The following MXRA7 variants were observed in gnomAD, a reference collection of about 807,000 sequenced individuals.
The protein encoded by MXRA7 is matrix-remodeling-associated protein 7.
Under a neutral mutation model 17.4 loss-of-function variants are expected in MXRA7, and 18 were observed. The observed-to-expected ratio is 1.03, with a 90% CI of 0.71 to 1.53. The LOEUF (loss-of-function observed/expected upper bound fraction) is 1.53. Among genes scored for constraint, MXRA7 ranks in the 40% most tolerant of loss-of-function variants. MXRA7 has a pLI of 0.00. For synonymous variants in MXRA7, 70 were observed against 101.7 expected, an observed-to-expected ratio of 0.69 and a Z score of 1.87; for missense variants, 141 against 209.3, an observed-to-expected ratio of 0.67 and a Z score of 2.01.
chr17:76,693,583 C>T (rs1036409340), intron 1 of MXRA7, among the ~76,000 whole-genome samples: 10 of 147,494 alleles, frequency 6.8e-5, no homozygotes, highest in South Asian at 6.5e-4. Flanking sequence ...AGGTGGCTCA[C>T]GCCTGTAATC....
At chr17:76,695,596 T>C (rs2076525734) in intron 1 of MXRA7, among the ~76,000 whole-genome samples, 1 of 152,078 alleles carries the variant, frequency 6.6e-6, no homozygotes, top group Non-Finnish European at 1.5e-5. Flanking sequence ...CTCAGCTGTG[T>C]CTGCAGGGAG....
intron 1 of MXRA7, chr17:76,689,867 C>T (rs1019896244): frequency 6.6e-6 from 1 of 151,908 alleles, no homozygotes; most frequent in Non-Finnish European, 1.5e-5. Flanking sequence ...AAAAATTAGC[C>T]GAGTGTTGTG....
chr17:76,698,796 C>T (rs750982141), intron 1 of MXRA7, among the ~76,000 whole-genome samples: 1 of 143,944 alleles, frequency 6.9e-6, no homozygotes, highest in Non-Finnish European at 1.5e-5. Flanking sequence ...GATCTCTGCT[C>T]ACTGCAACCT....
chr17:76,684,027 T>C (rs2076350580), intron 3 of MXRA7: 2 of 940,994 alleles, frequency 2.1e-6, no homozygotes, highest in Admixed American at 3.4e-5. Context: ...CTGGCTGTGC[T>C]TACACTGCCC....
chr17:76,684,193 G>A (rs1329408044), intron 3 of MXRA7, among the ~76,000 whole-genome samples: 1 of 152,242 alleles, frequency 6.6e-6, no homozygotes, highest in African/African-American at 2.4e-5. Context: ...TGAGAGGGCA[G>A]TTGAGTTCTG....
intron 1 of MXRA7, among the ~76,000 whole-genome samples, chr17:76,690,769 G>A (rs1309988318): frequency 6.6e-6 from 1 of 152,106 alleles, no homozygotes; most frequent in Non-Finnish European, 1.5e-5. Context: ...GTGCAGTGGT[G>A]CAATCACGGC....
At chr17:76,688,549 GTGTC>G (rs893827260) in intron 1 of MXRA7, 11 of 1,276,224 alleles carry the variant, frequency 8.6e-6, no homozygotes, top group South Asian at 3.1e-5. Context: ...GCTGGCTGGG[GTGTC>G]TGTCTGGGAC....
chr17:76,705,473 A>G (rs1156473294), intron 1 of MXRA7, among the ~76,000 whole-genome samples: 1 of 151,874 alleles, frequency 6.6e-6, no homozygotes, highest in Non-Finnish European at 1.5e-5. Context: ...GAACATTTGG[A>G]TTATTTCTAG....
At chr17:76,701,230 G>A (rs767622552) in intron 1 of MXRA7, among the ~76,000 whole-genome samples, 11 of 151,930 alleles carry the variant, frequency 7.2e-5, no homozygotes, top group Non-Finnish European at 1.5e-4. Context: ...ATGAGAGGAG[G>A]GAGGGCTGCT....
chr17:76,706,977 T>C (rs2076669343), intron 1 of MXRA7, among the ~76,000 whole-genome samples: 1 of 152,178 alleles, frequency 6.6e-6, no homozygotes, highest in Non-Finnish European at 1.5e-5. Flanking sequence ...AATCATGACA[T>C]GTCATCCCAA....
intron 1 of MXRA7, among the ~76,000 whole-genome samples, chr17:76,707,216 A>G (rs531434674): frequency 6.6e-6 from 1 of 151,604 alleles, no homozygotes; most frequent in South Asian, 2.1e-4. Context: ...TTAATCTCCT[A>G]AATCCCAATT....
At chr17:76,702,877 A>ATATATATATATATATATATATATACG (rs2076609750) in intron 1 of MXRA7, among the ~76,000 whole-genome samples, 1 of 127,468 alleles carries the variant, frequency 7.8e-6, no homozygotes, top group African/African-American at 2.9e-5. Context: ...ATATACGTAT[A>ATATATATATATATATATATATATACG]TATATATATA....
intron 2 of MXRA7, among the ~76,000 whole-genome samples, chr17:76,686,407 G>A (rs1010747501): frequency 2.6e-5 from 4 of 152,158 alleles, no homozygotes; most frequent in African/African-American, 9.7e-5. Flanking sequence ...TTGAACCCGG[G>A]AGGCAGAGGT....
At chr17:76,685,206 A>T (rs1283040995) in intron 2 of MXRA7, 41 bp from the exon 3 acceptor site, 1 of 1,505,042 alleles carries the variant, frequency 6.6e-7, no homozygotes, top group Non-Finnish European at 9.2e-7. Flanking sequence ...AGTGCTGTAG[A>T]GGCTGGCCCC....
intron 1 of MXRA7, among the ~76,000 whole-genome samples, chr17:76,692,670 T>G (rs1598350509): frequency 1.5e-5 from 2 of 135,902 alleles, no homozygotes; most frequent in Non-Finnish European, 3.4e-5. Flanking sequence ...AAAGTCTTGG[T>G]GAAGTTTGAG....
chr17:76,681,415 C>G lies in MXRA7; in HGVS notation c.501-536G>C, dbSNP rs145117868. On this transcript the variant is annotated intron_variant, in intron 3 of 3. Transcript: ENST00000449428. This position sits in a 1 kb window ranked among gnomAD's most constrained non-coding sequence, Gnocchi z 4.7. ...GGTCTGATCTTGTCCCTCTGACGCC[C>G]TCTCCTGGTGGTCACAGTCAGCACG... Among the ~76,000 whole-genome samples, 122 of 152,212 alleles carry G rather than the reference C, an allele frequency of 8.0e-4. 2 individuals carry two copies. Among genetic ancestry groups the G allele is most frequent in the South Asian group, 3.9e-3 (19 of 4,814 alleles).
intron 1 of MXRA7, among the ~76,000 whole-genome samples, chr17:76,698,156 C>T (rs1393886038): frequency 6.6e-6 from 1 of 152,158 alleles, no homozygotes; most frequent in Admixed American, 6.5e-5. Flanking sequence ...GGAGGCAGGC[C>T]GTTCCTAACT....
chr17:76,702,892 T>TATATATATATACGTATATATATATACGTA (rs2076611295), intron 1 of MXRA7, among the ~76,000 whole-genome samples: 1 of 77,996 alleles, frequency 1.3e-5, no homozygotes, highest in African/African-American at 3.5e-5. Flanking sequence ...TATATATATC[T>TATATATATATACGTATATATATATACGTA]TGAGGAGGCC....
chr17:76,677,777 G>A (rs1054958220), downstream of MXRA7: 27 of 1,018,862 alleles, frequency 2.7e-5, no homozygotes, highest in Non-Finnish European at 3.7e-5. Context: ...GTGTGCAGCC[G>A]GCGGAGTTGG....
Sources: gnomAD v4.1 joint callset for allele counts (sites outside exome capture counted in the v4.1 genomes callset) on GRCh38, gnomAD v4.1.1 for gene constraint, Gnocchi (gnomAD v3.1) non-coding constraint, MANE v1.5 for transcripts, NCBI Gene and HGNC (gene_info 2026-07-23, HGNC 2026-07-21) for gene names.